The following INPP4B variants were observed in gnomAD, a reference collection of about 807,000 sequenced individuals.
The protein encoded by INPP4B is inositol polyphosphate 4-phosphatase type II.
In INPP4B, 55 loss-of-function variants were observed where a neutral mutation model predicts 122.5. The ratio of observed to expected loss-of-function variants is 0.45; its 90% CI spans 0.36 to 0.56. INPP4B has a LOEUF of 0.56. Ranked by LOEUF, INPP4B falls within the 20% of genes least tolerant of loss-of-function variation. The probability of loss-of-function intolerance (pLI) is 0.00; values close to 1 mark genes in which losing one functional copy is unlikely to be tolerated. For missense variants in INPP4B, 1,000 were observed against 1,097.7 expected (o/e 0.91, Z 1.26); for synonymous variants, 403 against 388.7 (o/e 1.04, Z -0.43).
At chr4:142,645,175 A>T (rs1014148771) in intron 2 of INPP4B, among the ~76,000 whole-genome samples, 4 of 152,188 alleles carry the variant, frequency 2.6e-5, no homozygotes, top group African/African-American at 9.7e-5. Flanking sequence ...GACATTTGTA[A>T]ATGATGATAA....
At chr4:142,030,121 A>G (rs891760445) in intron 25 of INPP4B, 1 of 1,529,790 alleles carries the variant, frequency 6.5e-7, no homozygotes, top group Non-Finnish European at 8.8e-7. Flanking sequence ...GGAATACAAC[A>G]TAAAACTTAT....
intron 2 of INPP4B, among the ~76,000 whole-genome samples, chr4:142,491,815 A>G (rs1236269915): frequency 6.6e-6 from 1 of 152,264 alleles, no homozygotes; most frequent in African/African-American, 2.4e-5. Flanking sequence ...TAGGATGGCT[A>G]TTGCCAAAAA....
At chr4:142,353,603 T>C (rs1163514346) in intron 7 of INPP4B, among the ~76,000 whole-genome samples, 2 of 152,084 alleles carry the variant, frequency 1.3e-5, no homozygotes, top group South Asian at 2.1e-4. Flanking sequence ...TATACATATA[T>C]ACATACAGAT....
At position 142,811,929 on chromosome 4, in the gene INPP4B, C is replaced by T. The variant is rs1399892475; in HGVS notation, c.-254+34280G>A. Among the ~76,000 whole-genome samples the T allele has an allele frequency of 3.3e-5, 5 of 152,182 alleles. No individual in the cohort carries two copies. In the South Asian group the frequency reaches 6.2e-4, roughly 19 times the overall value. On this transcript the variant is annotated intron_variant, in intron 1 of 25. Transcript: ENST00000262992. ...GATTAAATAATTGAATAAATATATA[C>T]TCAACTACCAGGTATCATTCCCCAG...
chr4:142,538,272 G>T (rs2077505424), intron 2 of INPP4B, among the ~76,000 whole-genome samples: 1 of 152,102 alleles, frequency 6.6e-6, no homozygotes. Context: ...GGCAAGAAGG[G>T]CAGCCAACAA....
At chr4:142,812,169 A>T (rs766626275) in intron 1 of INPP4B, among the ~76,000 whole-genome samples, 1 of 152,126 alleles carries the variant, frequency 6.6e-6, no homozygotes, top group Non-Finnish European at 1.5e-5. Flanking sequence ...GCTGAACTCT[A>T]TATTCCAGTG....
intron 20 of INPP4B, among the ~76,000 whole-genome samples, 184 bp downstream of exon 20, chr4:142,123,108 T>C (rs1797243799): frequency 6.6e-6 from 1 of 152,174 alleles, no homozygotes; most frequent in Non-Finnish European, 1.5e-5. Context: ...AATTCCATTT[T>C]CAAAGCATAA....
At chr4:142,625,465 G>T (rs1206734376) in intron 2 of INPP4B, among the ~76,000 whole-genome samples, 1 of 152,082 alleles carries the variant, frequency 6.6e-6, no homozygotes, top group Admixed American at 6.6e-5. Flanking sequence ...ACAAACCACT[G>T]CTCAATGAAA....
At chr4:142,385,396 T>A (rs1266263529) in intron 7 of INPP4B, among the ~76,000 whole-genome samples, 1 of 150,800 alleles carries the variant, frequency 6.6e-6, no homozygotes, top group Admixed American at 6.6e-5. Context: ...CACTCTTGAA[T>A]GTTCAGTGGA....
intron 1 of INPP4B, among the ~76,000 whole-genome samples, chr4:142,787,191 A>T (rs977213582): frequency 6.6e-6 from 1 of 152,148 alleles, no homozygotes; most frequent in African/African-American, 2.4e-5. Flanking sequence ...AAGAAATTCT[A>T]TTTCTAGGGT....
At chr4:142,785,282 T>TA (rs1775597785) in intron 1 of INPP4B, among the ~76,000 whole-genome samples, 1 of 151,952 alleles carries the variant, frequency 6.6e-6, no homozygotes, top group Non-Finnish European at 1.5e-5. Context: ...CATCTTTCAA[T>TA]AAAAAATTAC....
chr4:142,835,482 T>A lies in INPP4B; in HGVS notation c.-254+10727A>T, dbSNP rs371484036. Among the ~76,000 whole-genome samples, 20 of 152,222 alleles carry A rather than the reference T, an allele frequency of 1.3e-4. No homozygotes were observed. In the East Asian group the frequency reaches 3.5e-3, roughly 26 times the overall value. On this transcript the variant is annotated intron_variant, in intron 1 of 25. Transcript: ENST00000262992. ...AAACAGCTTATACGTATGAAAAAAA[T>A]TCTGGACTATTTTCATTTTAAAAAA...
At chr4:142,602,567 A>C (rs1740269202) in intron 2 of INPP4B, among the ~76,000 whole-genome samples, 1 of 152,186 alleles carries the variant, frequency 6.6e-6, no homozygotes, top group South Asian at 2.1e-4. Flanking sequence ...GTGAACAGAC[A>C]CTTTTCAAAA....
At chr4:142,530,600 T>C (rs1235744776) in intron 2 of INPP4B, among the ~76,000 whole-genome samples, 2 of 149,412 alleles carry the variant, frequency 1.3e-5, no homozygotes, top group Non-Finnish European at 3.0e-5. Flanking sequence ...CAGACGCACA[T>C]ACATACACAT....
At chr4:142,388,920 G>A (rs1796802931) in intron 7 of INPP4B, among the ~76,000 whole-genome samples, 1 of 152,106 alleles carries the variant, frequency 6.6e-6, no homozygotes, top group Non-Finnish European at 1.5e-5. Flanking sequence ...TCCTAAGCCT[G>A]TGTTTCCAAG....
chr4:142,645,423 A>G (rs1283862622), intron 2 of INPP4B, among the ~76,000 whole-genome samples: 3 of 152,092 alleles, frequency 2.0e-5, no homozygotes, highest in Non-Finnish European at 4.4e-5. Flanking sequence ...TTAGTATAAA[A>G]CCCCTAAATT....
chr4:142,072,085 C>T (rs1767753447), intron 25 of INPP4B, among the ~76,000 whole-genome samples: 1 of 152,138 alleles, frequency 6.6e-6, no homozygotes, highest in African/African-American at 2.4e-5. Flanking sequence ...TTGGAACCAA[C>T]CCAAAAGTCC....
At chr4:142,668,912 G>A (rs997953735) in intron 2 of INPP4B, among the ~76,000 whole-genome samples, 13 of 151,780 alleles carry the variant, frequency 8.6e-5, no homozygotes, top group East Asian at 5.8e-4. Context: ...AAAATTAGCC[G>A]GGCGTGGTGG....
chr4:142,778,096 T>C (rs1309817268), intron 1 of INPP4B, among the ~76,000 whole-genome samples: 1 of 152,038 alleles, frequency 6.6e-6, no homozygotes, highest in African/African-American at 2.4e-5. Context: ...CTTGAGAAAA[T>C]TATTTAAGCT....
Sources: allele counts gnomAD v4.1 joint callset (sites outside exome capture counted in the v4.1 genomes callset), GRCh38; gene constraint gnomAD v4.1.1; transcripts MANE v1.5; gene names NCBI Gene and HGNC (gene_info 2026-07-23, HGNC 2026-07-21).